The following LHFPL2 variants were observed in gnomAD, a reference collection of about 807,000 sequenced individuals.
LHFPL2 encodes LHFPL tetraspan subfamily member 2 protein.
Under a neutral mutation model 17.5 loss-of-function variants are expected in LHFPL2, and 7 were observed. The ratio of observed to expected loss-of-function variants is 0.40; its 90% CI spans 0.23 to 0.75. The LOEUF (loss-of-function observed/expected upper bound fraction) is 0.75, where lower values mean the gene tolerates loss of function less well. LHFPL2 is among the 30% of genes least tolerant of loss of function. The pLI, the probability that LHFPL2 is intolerant of heterozygous loss-of-function variation, is 0.37. For missense variants in LHFPL2, 241 were observed against 294.8 expected (o/e 0.82, Z 1.34); for synonymous variants, 134 against 116.2 (o/e 1.15, Z -0.99).
chr5:78,584,070 C>T (rs1456515548), intron 2 of LHFPL2, among the ~76,000 whole-genome samples: 46 of 151,946 alleles, frequency 3.0e-4, no homozygotes, highest in Middle Eastern at 3.4e-3. Flanking sequence ...TCCAGTTGAT[C>T]GCATCGGCTC....
intron 2 of LHFPL2, among the ~76,000 whole-genome samples, chr5:78,584,724 T>G (rs372640787): frequency 2.0e-5 from 3 of 152,128 alleles, no homozygotes; most frequent in Non-Finnish European, 2.9e-5. Flanking sequence ...GCAGAGGTTA[T>G]TGCTGTCTTT....
At chr5:78,582,381 G>C (rs1000602965) in intron 2 of LHFPL2, among the ~76,000 whole-genome samples, 18 of 138,190 alleles carry the variant, frequency 1.3e-4, no homozygotes, top group Admixed American at 8.6e-4. Context: ...TGATGTTAGG[G>C]TGTCAATTTT....
At chr5:78,636,997 A>AT (rs1745472626) in intron 1 of LHFPL2, among the ~76,000 whole-genome samples, 1 of 152,146 alleles carries the variant, frequency 6.6e-6, no homozygotes, top group Non-Finnish European at 1.5e-5. Context: ...GACATGGCCA[A>AT]TATCACAAGC....
chr5:78,609,003 T>TA (rs935862580), intron 2 of LHFPL2, among the ~76,000 whole-genome samples: 1 of 151,410 alleles, frequency 6.6e-6, no homozygotes, highest in Non-Finnish European at 1.5e-5. Flanking sequence ...TATGGGATAA[T>TA]AAAAAATGGC....
chr5:78,541,114 G>A (rs1248196434), intron 3 of LHFPL2, among the ~76,000 whole-genome samples: 1 of 152,114 alleles, frequency 6.6e-6, no homozygotes, highest in Admixed American at 6.5e-5. Flanking sequence ...TTAATTAACT[G>A]CTTGATGTAT....
rs142246296 is a variant in LHFPL2, at chr5:78,548,231, G to A, written c.-186+16582C>T. Among the ~76,000 whole-genome samples the A allele has an allele frequency of 2.2e-3, 334 of 152,326 alleles. 2 individuals carry two copies. The highest frequency in any genetic ancestry group is 3.1e-3 in the Non-Finnish European group (210 of 68,030). On this transcript the variant is annotated intron_variant, in intron 3 of 4. Coordinates refer to ENST00000380345, the MANE Select transcript of LHFPL2 (RefSeq NM_005779.3). ...GGCGATGCAGAGGCCTCCCAGCTACGGTACATAAGCTACAGTCTGCACTTC... is the reference window on the plus strand; with the variant it reads ...GGCGATGCAGAGGCCTCCCAGCTACAGTACATAAGCTACAGTCTGCACTTC...
At chr5:78,557,668 G>T (rs1480318849) in intron 3 of LHFPL2, among the ~76,000 whole-genome samples, 1 of 152,216 alleles carries the variant, frequency 6.6e-6, no homozygotes, top group Non-Finnish European at 1.5e-5. Context: ...CTTGGCCACA[G>T]TTATAGAACA....
chr5:78,597,433 G>A (rs923802801), intron 2 of LHFPL2, among the ~76,000 whole-genome samples: 1 of 152,012 alleles, frequency 6.6e-6, no homozygotes, highest in African/African-American at 2.4e-5. Context: ...AAACTTAAAG[G>A]TCTCTTTGTG....
intron 3 of LHFPL2, among the ~76,000 whole-genome samples, chr5:78,544,345 A>G (rs1437020551): frequency 6.6e-6 from 1 of 152,240 alleles, no homozygotes; most frequent in Non-Finnish European, 1.5e-5. Context: ...CTCAGAGGGT[A>G]AAGCAGAGCT....
At chr5:78,622,706 G>A (rs1561369775) in intron 2 of LHFPL2, among the ~76,000 whole-genome samples, 1 of 152,118 alleles carries the variant, frequency 6.6e-6, no homozygotes, top group Non-Finnish European at 1.5e-5. Flanking sequence ...ATATTTAAAG[G>A]GGCTGCATTA....
chr5:78,603,798 A>G (rs368911829), intron 2 of LHFPL2, among the ~76,000 whole-genome samples: 4 of 152,392 alleles, frequency 2.6e-5, no homozygotes, highest in African/African-American at 9.6e-5. Context: ...CAAACTGGAA[A>G]GACCTCAAAT....
At chr5:78,617,555 T>A (rs1744664960) in intron 2 of LHFPL2, among the ~76,000 whole-genome samples, 1 of 152,056 alleles carries the variant, frequency 6.6e-6, no homozygotes, top group South Asian at 2.1e-4. Flanking sequence ...GGAGACACAC[T>A]TTTTAGGGTG....
At chr5:78,620,767 C>A (rs984271688) in intron 2 of LHFPL2, among the ~76,000 whole-genome samples, 1 of 152,190 alleles carries the variant, frequency 6.6e-6, no homozygotes, top group Non-Finnish European at 1.5e-5. Flanking sequence ...GGCTGAGAAA[C>A]CCTGTGCTGG....
intron 2 of LHFPL2, among the ~76,000 whole-genome samples, chr5:78,623,614 G>C (rs1744934957): frequency 6.6e-6 from 1 of 152,052 alleles, no homozygotes; most frequent in Non-Finnish European, 1.5e-5. Flanking sequence ...CTCCATAAAT[G>C]CTTAAGGCTC....
chr5:78,590,716 T>C (rs1743597313), intron 2 of LHFPL2, among the ~76,000 whole-genome samples: 2 of 152,222 alleles, frequency 1.3e-5, no homozygotes, highest in East Asian at 3.8e-4. Context: ...CACTAAACAG[T>C]CATACGAAAC....
chr5:78,514,807 T>C lies in LHFPL2; in HGVS notation c.-185-4409A>G, dbSNP rs1399840245. ...AACAATGTTTTGAAGAACACTACCT[T>C]GCTTACTCACCCTGGTTCTGTTTTT... On this transcript the variant is annotated intron_variant, in intron 3 of 4. Coordinates refer to ENST00000380345, the MANE Select transcript of LHFPL2 (RefSeq NM_005779.3). 2.0e-5 allele frequency among the ~76,000 whole-genome samples: 3 copies of C among 152,352 alleles called. No homozygotes were observed. The East Asian group carries it at 5.8e-4, about 29-fold the overall frequency.
chr5:78,584,567 TG>T (rs1225773661), intron 2 of LHFPL2, among the ~76,000 whole-genome samples: 9 of 152,124 alleles, frequency 5.9e-5, no homozygotes, highest in African/African-American at 1.2e-4. Flanking sequence ...CTGCCCCTGC[TG>T]GGGGGGTGCC....
intron 3 of LHFPL2, among the ~76,000 whole-genome samples, chr5:78,531,342 G>A (rs564125077): frequency 2.0e-5 from 3 of 150,040 alleles, no homozygotes; most frequent in African/African-American, 4.9e-5. Context: ...TTGAATCCAC[G>A]AGGCAGAGGT....
At chr5:78,492,671 A>AT (rs1754483248) in intron 4 of LHFPL2, among the ~76,000 whole-genome samples, 1 of 152,214 alleles carries the variant, frequency 6.6e-6, no homozygotes, top group African/African-American at 2.4e-5. Context: ...TAAGTAAAGC[A>AT]GGGAGACTCT....
Sources: gnomAD v4.1 joint callset for allele counts (sites outside exome capture counted in the v4.1 genomes callset) on GRCh38, gnomAD v4.1.1 for gene constraint, MANE v1.5 for transcripts, NCBI Gene and HGNC (gene_info 2026-07-23, HGNC 2026-07-21) for gene names.